PIK3CD: variants seen among roughly 807,000 people sequenced by gnomAD.
PIK3CD encodes phosphatidylinositol-4,5-bisphosphate 3-kinase catalytic subunit delta.
A neutral mutation model predicts 122.9 loss-of-function variants in PIK3CD; 20 were observed. The ratio of observed to expected loss-of-function variants is 0.16; its 90% CI spans 0.11 to 0.24. The LOEUF is 0.24. Among genes scored for constraint, PIK3CD ranks in the 10% least tolerant of loss-of-function variants. The probability of loss-of-function intolerance (pLI) is 1.00; values close to 1 mark genes in which losing one functional copy is unlikely to be tolerated. For missense variants in PIK3CD, 787 were observed against 1,406.3 expected, an observed-to-expected ratio of 0.56 and a Z score of 7.04; for synonymous variants, 596 against 593.4, an observed-to-expected ratio of 1.00 and a Z score of -0.06.
chr1:9,645,929 T>A, the PIK3CD span, among the ~76,000 whole-genome samples: 1 of 151,304 alleles, frequency 6.6e-6, no homozygotes, highest in Non-Finnish European at 1.5e-5. Context: ...ATTTTTTATT[T>A]TTTTATTTTT....
intron 1 of PIK3CD, chr1:9,680,609 A>G (rs766343223): frequency 8.4e-5 from 13 of 154,564 alleles, no homozygotes; most frequent in Non-Finnish European, 1.7e-4. Flanking sequence ...AAATGGGATG[A>G]TACACTATGT....
rs368120282 is a variant in PIK3CD at position 9,716,923 on chromosome 1, C to T, written c.781-36C>T. ...CTGGTGTCCAGGGAGTGGTTGGGGC[C>T]GCCCCACCAGCCGCTCACCCTGCAC... is the stretch of plus-strand genomic sequence containing the variant. On this transcript the variant is annotated intron_variant, in intron 6 of 23. Coordinates refer to ENST00000377346, the MANE Select transcript of PIK3CD (RefSeq NM_005026.5). The T allele has an allele frequency of 9.7e-5, 157 of 1,612,966 alleles. 1 individual carries two copies. Among genetic ancestry groups the T allele is most frequent in the Middle Eastern group, 1.6e-4 (1 of 6,084 alleles).
intron 1 of PIK3CD, 130 bp from the exon 2 acceptor site, chr1:9,691,337 T>C: frequency 2.6e-6 from 1 of 388,724 alleles, no homozygotes; most frequent in East Asian, 3.7e-5. Context: ...TGTGATTGGT[T>C]TGCAAAAAGG....
At chr1:9,654,534 G>T in intron 1 of PIK3CD, 1 of 679,342 alleles carries the variant, frequency 1.5e-6, no homozygotes, top group Non-Finnish European at 2.3e-6. Context: ...ATGGAGGTGG[G>T]AGTGGGGATG....
chr1:9,721,682 T>C (rs1648682753), intron 15 of PIK3CD, 79 bp from the exon 16 acceptor site: 1 of 1,602,024 alleles, frequency 6.2e-7, no homozygotes, highest in African/African-American at 1.3e-5. Flanking sequence ...CTGGGTGTCC[T>C]GGCCTCGCTA....
intron 1 of PIK3CD, chr1:9,688,383 A>G (rs902156453): frequency 2.6e-5 from 4 of 152,260 alleles, no homozygotes; most frequent in African/African-American, 9.7e-5. Context: ...CAAGAGGGGT[A>G]TGGTTTCAGC....
At chr1:9,644,457 G>A in the PIK3CD span, among the ~76,000 whole-genome samples, 44 of 151,754 alleles carry the variant, frequency 2.9e-4, no homozygotes, top group African/African-American at 1.0e-3. Context: ...AGCGGAGGTT[G>A]CAGTGAGCCG....
chr1:9,653,695 A>C, intron 1 of PIK3CD: 1 of 792,418 alleles, frequency 1.3e-6, no homozygotes, highest in South Asian at 1.5e-5. Context: ...ACCAAACGCA[A>C]GGAGATATAA....
upstream of PIK3CD, among the ~76,000 whole-genome samples, chr1:9,648,979 G>A (rs1177820408): frequency 1.3e-5 from 2 of 152,156 alleles, no homozygotes; most frequent in African/African-American, 4.8e-5. Context: ...GCACGCATCT[G>A]CAGTCCCAGC....
chr1:9,688,211 A>T (rs937849915), intron 1 of PIK3CD: 8 of 152,288 alleles, frequency 5.3e-5, no homozygotes, highest in African/African-American at 1.9e-4. Flanking sequence ...TAGGACCACC[A>T]AGGAGTGTTC....
chr1:9,718,070 CTT>C lies in PIK3CD; in HGVS notation c.1020+445_1020+446del, dbSNP rs1647830277. 2.1e-6 allele frequency: 1 copy of C among 472,918 alleles called. No individual in the cohort carries two copies. Among genetic ancestry groups the C allele is most frequent in the East Asian group, 6.4e-5 (1 of 15,536 alleles). The allele number at this position is 472,918 out of a possible 1,614,324, so 29.3% of individuals were successfully genotyped here. ...GGCTGAGCCCACCTCCCTGTTGTCTCTTAACACTTTCACACGCTCCATCGCAA... is the reference window on the plus strand; with the variant it reads ...GGCTGAGCCCACCTCCCTGTTGTCTCAACACTTTCACACGCTCCATCGCAA... On this transcript the variant is annotated intron_variant, in intron 8 of 23. Coordinates refer to ENST00000377346, the MANE Select transcript of PIK3CD (RefSeq NM_005026.5). The surrounding 1 kb of genome is among the most constrained non-coding windows in gnomAD (Gnocchi z 7.2).
intron 2 of PIK3CD, among the ~76,000 whole-genome samples, chr1:9,701,999 G>T (rs566106100): frequency 1.1e-3 from 154 of 143,318 alleles, no homozygotes; most frequent in Non-Finnish European, 1.8e-3. Context: ...TGTTTTTTTG[G>T]TTTTTTTTTT....
At chr1:9,646,933 A>C (rs1328783707), upstream of PIK3CD, among the ~76,000 whole-genome samples, 2 of 145,130 alleles carry the variant, frequency 1.4e-5, no homozygotes, top group African/African-American at 5.3e-5. Flanking sequence ...CCAGCCTGGG[A>C]GACTCCATCT....
chr1:9,657,778 G>C (rs571952898), intron 1 of PIK3CD, among the ~76,000 whole-genome samples: 207 of 152,202 alleles, frequency 1.4e-3, no homozygotes, highest in Non-Finnish European at 2.2e-3. Flanking sequence ...GGGCAGAGGT[G>C]GGGGGAGGGC....
rs544869072 is a variant in PIK3CD, at chr1:9,659,208, A to G, written c.-138+7406A>G. Among the ~76,000 whole-genome samples, 37 of 152,290 alleles carry G rather than the reference A, an allele frequency of 2.4e-4. No homozygotes were observed. In the East Asian group the frequency reaches 3.9e-3, roughly 16 times the overall value. On this transcript the variant is annotated intron_variant, in intron 1 of 23. Transcript: ENST00000377346. The stretch of plus-strand genomic sequence containing the variant: ...GAGCATCAGGATAAATAGCTAATGC[A>G]CGCGGGGCTTAATACCTAGGTGATG...
Position 9,720,337 on chromosome 1 carries a change from G to C in PIK3CD, c.1470+95G>C. Reference sequence around the variant, plus strand: ...TCTTCAGAGGGTGCTCCCTGGCCACGTCGGGGCTGGGCTACCAGGCATATC... The same window carrying C: ...TCTTCAGAGGGTGCTCCCTGGCCACCTCGGGGCTGGGCTACCAGGCATATC... On this transcript the variant is annotated intron_variant, in intron 11 of 23. Transcript: ENST00000377346. This position sits in a 1 kb window ranked among gnomAD's most constrained non-coding sequence, Gnocchi z 9.0. The C allele has an allele frequency of 1.4e-6, 2 of 1,464,326 alleles. No homozygotes were observed. Among genetic ancestry groups the C allele is most frequent in the Non-Finnish European group, 1.8e-6 (2 of 1,090,196 alleles). The allele number at this position is 1,464,326 out of a possible 1,614,324, so 90.7% of individuals were successfully genotyped here.
intron 1 of PIK3CD, among the ~76,000 whole-genome samples, chr1:9,662,923 A>G (rs1645050081): frequency 6.6e-6 from 1 of 152,122 alleles, no homozygotes; most frequent in Admixed American, 6.5e-5. Context: ...TCCTGACCTC[A>G]GGTGATCCAC....
intron 2 of PIK3CD, among the ~76,000 whole-genome samples, chr1:9,692,464 T>C (rs6683391): frequency 0.041 from 6,258 of 152,264 alleles, 362 homozygotes; most frequent in African/African-American, 0.13. Context: ...CCGTGGCTCA[T>C]GCCTGTAATC....
rs1442812393 is a variant in PIK3CD, at chr1:9,689,061, A to G, written c.-137-2406A>G. On this transcript the variant is annotated intron_variant, in intron 1 of 23. Coordinates refer to ENST00000377346, the MANE Select transcript of PIK3CD (RefSeq NM_005026.5). This position sits in a 1 kb window ranked among gnomAD's most constrained non-coding sequence, Gnocchi z 6.1. ...TTGAGCCCAGAGCCCGGGCTGGCCA[A>G]TTACTCGAGTGAGTCTGGCTCCGGC... Among the ~76,000 whole-genome samples the G allele has an allele frequency of 1.3e-5, 2 of 152,236 alleles. No individual in the cohort carries two copies. Among genetic ancestry groups the G allele is most frequent in the Admixed American group, 1.3e-4 (2 of 15,282 alleles).
Sources: gnomAD v4.1 joint callset for allele counts (sites outside exome capture counted in the v4.1 genomes callset) on GRCh38, gnomAD v4.1.1 for gene constraint, Gnocchi (gnomAD v3.1) non-coding constraint, MANE v1.5 for transcripts, NCBI Gene and HGNC (gene_info 2026-07-23, HGNC 2026-07-21) for gene names.